CTNNA2: variants seen among roughly 807,000 people sequenced by gnomAD.
CTNNA2 encodes catenin alpha-2.
A neutral mutation model predicts 101.0 loss-of-function variants in CTNNA2; 42 were observed. The ratio of observed to expected loss-of-function variants is 0.42; its 90% CI spans 0.32 to 0.54. The LOEUF is 0.54. CTNNA2 is among the 20% of genes least tolerant of loss of function. CTNNA2 has a pLI of 0.14. For missense variants in CTNNA2, 871 were observed against 1,223.1 expected (o/e 0.71, Z 4.29); for synonymous variants, 450 against 456.4 (o/e 0.99, Z 0.18).
At chr2:80,172,072 G>T (rs1033749412) in intron 7 of CTNNA2, among the ~76,000 whole-genome samples, 6 of 152,156 alleles carry the variant, frequency 3.9e-5, no homozygotes, top group African/African-American at 1.4e-4. Context: ...AGCAGGATCA[G>T]ACCCCACAAA....
At chr2:80,512,220 C>A (rs1031153018) in intron 9 of CTNNA2, among the ~76,000 whole-genome samples, 1 of 147,704 alleles carries the variant, frequency 6.8e-6, no homozygotes, top group African/African-American at 2.5e-5. Context: ...GGATTTAATT[C>A]TCATCTGTTA....
At chr2:80,557,770 A>T (rs971656816) in intron 12 of CTNNA2, among the ~76,000 whole-genome samples, 1 of 152,176 alleles carries the variant, frequency 6.6e-6, no homozygotes, top group African/African-American at 2.4e-5. Context: ...AGGCAAGGAC[A>T]ATTGCTTAGT....
chr2:79,957,951 C>G (rs951791635), intron 7 of CTNNA2, among the ~76,000 whole-genome samples: 8 of 152,220 alleles, frequency 5.3e-5, no homozygotes, highest in Admixed American at 5.2e-4. Flanking sequence ...TCTTCAGATT[C>G]TTAAAGACAG....
chr2:79,536,407 A>G (rs983547372), intron 1 of CTNNA2, among the ~76,000 whole-genome samples: 8 of 152,196 alleles, frequency 5.3e-5, no homozygotes, highest in Non-Finnish European at 1.0e-4. Flanking sequence ...GTACAGCTTC[A>G]TAATGAAATG....
chr2:79,769,432 A>T (rs750310505), intron 3 of CTNNA2, among the ~76,000 whole-genome samples: 3 of 152,324 alleles, frequency 2.0e-5, no homozygotes, highest in Non-Finnish European at 2.9e-5. Context: ...AACCCTCCAT[A>T]AAGTCAGTTG....
chr2:79,842,196 TG>T (rs1679871434), intron 3 of CTNNA2, among the ~76,000 whole-genome samples: 1 of 152,224 alleles, frequency 6.6e-6, no homozygotes, highest in Non-Finnish European at 1.5e-5. Context: ...TTACTATTTT[TG>T]TTGGCATATA....
At chr2:79,934,704 T>G (rs191065732) in intron 7 of CTNNA2, among the ~76,000 whole-genome samples, 1 of 152,294 alleles carries the variant, frequency 6.6e-6, no homozygotes, top group Non-Finnish European at 1.5e-5. Flanking sequence ...CTACCAGATG[T>G]GATATACAGA....
At chr2:80,025,175 A>G (rs1694854740) in intron 7 of CTNNA2, among the ~76,000 whole-genome samples, 1 of 152,052 alleles carries the variant, frequency 6.6e-6, no homozygotes, top group African/African-American at 2.4e-5. Context: ...TTTTATGGGT[A>G]CAGGGTGGGT....
chr2:80,549,352 T>A (rs924557740), intron 11 of CTNNA2, among the ~76,000 whole-genome samples: 4 of 152,198 alleles, frequency 2.6e-5, no homozygotes, highest in Non-Finnish European at 4.4e-5. Flanking sequence ...TTTTTAACTC[T>A]ACAGTCTTAA....
intron 7 of CTNNA2, among the ~76,000 whole-genome samples, chr2:80,057,610 A>G (rs1697311321): frequency 6.6e-6 from 1 of 152,076 alleles, no homozygotes; most frequent in Non-Finnish European, 1.5e-5. Context: ...CGGATGCTGT[A>G]TTAGGGAACA....
chr2:79,843,078 A>G (rs1679949750), intron 3 of CTNNA2, among the ~76,000 whole-genome samples: 1 of 152,242 alleles, frequency 6.6e-6, no homozygotes, highest in Non-Finnish European at 1.5e-5. Flanking sequence ...ATTGTAATTT[A>G]AATGTGTAAC....
chr2:80,598,952 A>C (rs1409005237), intron 15 of CTNNA2, among the ~76,000 whole-genome samples: 1 of 152,162 alleles, frequency 6.6e-6, no homozygotes, highest in Non-Finnish European at 1.5e-5. Context: ...TAGTTACATG[A>C]AGCTATACTT....
At chr2:79,475,910 C>A (rs543564334) in intron 4 of CTNNA2, among the ~76,000 whole-genome samples, 12 of 152,196 alleles carry the variant, frequency 7.9e-5, no homozygotes, top group Admixed American at 7.9e-4. Flanking sequence ...AGTTGACCAA[C>A]CCCGAATTGA....
intron 2 of CTNNA2, among the ~76,000 whole-genome samples, chr2:79,739,177 TGA>T (rs752859853): frequency 6.6e-6 from 1 of 151,794 alleles, no homozygotes; most frequent in South Asian, 2.1e-4. Flanking sequence ...GAGTGGAAGT[TGA>T]GAGTGGGAAT....
intron 8 of CTNNA2, among the ~76,000 whole-genome samples, chr2:80,405,431 T>C (rs6744096): frequency 0.18 from 27,846 of 152,112 alleles, 3,314 homozygotes; most frequent in African/African-American, 0.35. Context: ...TCTTAGTTTA[T>C]AGCTTTTATT....
At chr2:80,620,577 A>G (rs3770364) in intron 18 of CTNNA2, among the ~76,000 whole-genome samples, 29,696 of 151,836 alleles carry the variant, frequency 0.2, 5,040 homozygotes, top group African/African-American at 0.46. Context: ...CAATAGGAAG[A>G]TTTTGATGAC....
chr2:79,413,406 G>A (rs1476337174), intron 4 of CTNNA2, among the ~76,000 whole-genome samples: 1 of 151,596 alleles, frequency 6.6e-6, no homozygotes, highest in Non-Finnish European at 1.5e-5. Flanking sequence ...TTCCTTTTTT[G>A]TGGCTGAATA....
At chr2:79,377,766 G>T (rs1677994366) in intron 4 of CTNNA2, among the ~76,000 whole-genome samples, 1 of 152,048 alleles carries the variant, frequency 6.6e-6, no homozygotes, top group Non-Finnish European at 1.5e-5. Context: ...TTTCTCTATT[G>T]TCTGCCATAG....
intron 2 of CTNNA2, among the ~76,000 whole-genome samples, chr2:79,652,586 G>A (rs2104481774): frequency 6.6e-6 from 1 of 151,906 alleles, no homozygotes; most frequent in African/African-American, 2.4e-5. Flanking sequence ...TTCCAATAAG[G>A]ACCCTTGTGA....
Sources: gnomAD v4.1 joint callset for allele counts (sites outside exome capture counted in the v4.1 genomes callset) on GRCh38, gnomAD v4.1.1 for gene constraint, MANE v1.5 for transcripts, NCBI Gene and HGNC (gene_info 2026-07-23, HGNC 2026-07-21) for gene names.